NLE1: variants seen among roughly 807,000 people sequenced by gnomAD.
NLE1 encodes the protein notchless homolog 1.
NLE1 carries 37 observed loss-of-function variants against 62.8 expected under a neutral mutation model. The ratio of observed to expected loss-of-function variants is 0.59; its 90% CI spans 0.45 to 0.78. NLE1 has a LOEUF of 0.78. NLE1 is among the 30% of genes least tolerant of loss of function. The pLI is 0.00. For synonymous variants in NLE1, 243 were observed against 253.0 expected, an observed-to-expected ratio of 0.96 and a Z score of 0.37; for missense variants, 555 against 637.9, an observed-to-expected ratio of 0.87 and a Z score of 1.40.
At chr17:35,132,512 A>C in intron 12 of NLE1, 63 bp from the exon 13 acceptor site, 1 of 1,282,856 alleles carries the variant, frequency 7.8e-7, no homozygotes, top group Non-Finnish European at 1.0e-6. Flanking sequence ...GCCGTCATAT[A>C]ATCCCAGTGT....
intron 2 of NLE1, among the ~76,000 whole-genome samples, chr17:35,141,618 G>A (rs1263946640): frequency 6.6e-6 from 1 of 151,886 alleles, no homozygotes; most frequent in East Asian, 1.9e-4. Context: ...ATAGTTTTGG[G>A]TTCCAATTCC....
At chr17:35,133,647 C>A (rs1298976337) in intron 10 of NLE1, 149 bp from the exon 11 acceptor site, 3 of 712,674 alleles carry the variant, frequency 4.2e-6, no homozygotes, top group Non-Finnish European at 6.8e-6. Flanking sequence ...ACTGCCTGGT[C>A]CCCATCCCAG....
rs993581532 is a variant in NLE1, at chr17:35,141,967, C to T, written c.162+12G>A. 3.2e-6 allele frequency: 5 copies of T among 1,564,590 alleles called. 1 individual carries two copies. Among genetic ancestry groups the T allele is most frequent in the Non-Finnish European group, 2.6e-6 (3 of 1,155,062 alleles). On this transcript the variant is annotated intron_variant, in intron 2 of 12. Coordinates refer to ENST00000442241, the MANE Select transcript of NLE1 (RefSeq NM_018096.5). ...GGGTGGAGATGCGAGGCCGCCCTGG[C>T]CAGCCACTTACCTGGGCCAGTAGCG...
At chr17:35,138,543 G>A (rs751489170) in intron 4 of NLE1, among the ~76,000 whole-genome samples, 1 of 151,954 alleles carries the variant, frequency 6.6e-6, no homozygotes. Flanking sequence ...TCCTAGATTC[G>A]AGCAATTCTT....
Position 35,132,429 on chromosome 17 carries a change from G to A in NLE1, c.*8C>T, listed in dbSNP as rs373563790. The A allele has an allele frequency of 5.6e-6, 8 of 1,435,832 alleles. No individual in the cohort carries two copies. The East Asian group carries it at 8.2e-5, about 15-fold the overall frequency. 88.9% of individuals were successfully genotyped at this position (1,435,832 alleles called of 1,614,324 possible). A position where few individuals can be genotyped will look rare whatever the true frequency, so the allele number is the denominator to read the frequency against. The stretch of plus-strand genomic sequence containing the variant: ...CGAGGTGGGGGTCAGAGAGAACTTC[G>A]GGCCGTCTCATCTCCTCCATCTGTG... On this transcript the variant is annotated 3_prime_UTR_variant, in exon 13 of 13. Coordinates refer to ENST00000442241, the MANE Select transcript of NLE1 (RefSeq NM_018096.5).
intron 10 of NLE1, among the ~76,000 whole-genome samples, chr17:35,133,826 G>A (rs1417061069): frequency 6.6e-6 from 1 of 152,122 alleles, no homozygotes; most frequent in Non-Finnish European, 1.5e-5. Context: ...AACAGCAAGT[G>A]CCTGCTGACA....
chr17:35,130,737 A>G lies in NLE1; in HGVS notation c.*1700T>C, dbSNP rs536353260. ...AGAACTGCAGGTCATCCAGCACCCT[A>G]AAGTCTGCTTTATGCTGCAGACAGC... On this transcript the variant is annotated 3_prime_UTR_variant, in exon 13 of 13. Transcript: ENST00000442241. 102 of 332,912 alleles carry G rather than the reference A, an allele frequency of 3.1e-4. No individual in the cohort carries two copies. Among genetic ancestry groups the G allele is most frequent in the African/African-American group, 1.9e-3 (92 of 47,910 alleles). The allele number at this position is 332,912 out of a possible 1,614,324, so 20.6% of individuals were successfully genotyped here. A position where few individuals can be genotyped will look rare whatever the true frequency, so the allele number is the denominator to read the frequency against.
Position 35,130,376 on chromosome 17 carries a change from C to G in NLE1, c.*2061G>C. On this transcript the variant is annotated 3_prime_UTR_variant, in exon 13 of 13. Transcript: ENST00000442241. Reference sequence around the variant, plus strand: ...AAGGAACCCCGGCAAAAGATCGTGTCCATCGGGCCGGAGGAGATGCGGAGG... The same window carrying G: ...AAGGAACCCCGGCAAAAGATCGTGTGCATCGGGCCGGAGGAGATGCGGAGG... 8 of 1,614,136 alleles carry G rather than the reference C, an allele frequency of 5.0e-6. No homozygotes were observed. Among genetic ancestry groups the G allele is most frequent in the Non-Finnish European group, 1.7e-6 (2 of 1,180,006 alleles).
Position 35,137,877 on chromosome 17 carries a change from C to T in NLE1, c.474G>A (p.Trp158Ter). 6.2e-7 allele frequency: 1 copy of T among 1,612,796 alleles called. No individual in the cohort carries two copies. Among genetic ancestry groups the T allele is most frequent in the Non-Finnish European group, 8.5e-7 (1 of 1,179,084 alleles). Residue 158 changes from tryptophan to a stop codon, truncating the protein, a stop_gained, in exon 5 of 13, where the codon TGG (tryptophan) becomes TGA (stop). Coordinates refer to ENST00000442241, the MANE Select transcript of NLE1 (RefSeq NM_018096.5). LOFTEE classifies it high-confidence loss of function. The part of the protein sequence containing the change: ...PHFTCKGHRH[W>*]VLSISWSPDG... ...CTGGAGACCAGGATATACTAAGGAC[C>T]CAGTGTCTGTGTCCTAAGAAAGCAG...
chr17:35,137,415 C>T, intron 6 of NLE1, 128 bp downstream of exon 6: 1 of 873,112 alleles, frequency 1.1e-6, no homozygotes, highest in Non-Finnish European at 1.8e-6. Context: ...CCCATGCCTG[C>T]CAAGCCATCA....
chr17:35,136,138 C>T, intron 9 of NLE1, 31 bp downstream of exon 9: 1 of 1,612,862 alleles, frequency 6.2e-7, no homozygotes, highest in South Asian at 1.1e-5. Flanking sequence ...TGGTACAGAG[C>T]TAGGGGTGCA....
At chr17:35,139,207 C>A (rs1440406760) in intron 4 of NLE1, 28 bp downstream of exon 4, 3 of 1,596,664 alleles carry the variant, frequency 1.9e-6, no homozygotes, top group Non-Finnish European at 2.6e-6. Context: ...AAAAAGAAGA[C>A]CCCCTAAATG....
chr17:35,138,542 C>T (rs1466119813), intron 4 of NLE1, among the ~76,000 whole-genome samples: 12 of 152,292 alleles, frequency 7.9e-5, no homozygotes, highest in African/African-American at 2.4e-4. Flanking sequence ...CTCCTAGATT[C>T]GAGCAATTCT....
rs755644419 is a variant in NLE1, at chr17:35,137,119, C to G, written c.710G>C (p.Arg237Pro). The G allele has an allele frequency of 6.2e-7, 1 of 1,613,926 alleles. No homozygotes were observed. Among genetic ancestry groups the G allele is most frequent in the Non-Finnish European group, 8.5e-7 (1 of 1,179,954 alleles). Residue 237 changes from arginine (R) to proline (P), a missense_variant, in exon 7 of 13, where the codon CGC (arginine) becomes CCC (proline). Coordinates refer to ENST00000442241, the MANE Select transcript of NLE1 (RefSeq NM_018096.5). ...GTGCCCGGTGAGGATGCGCTCACAG[C>G]GGCCTGCAGTTGTGTCCCAGATCCG... ...SVRIWDTTAG[R>P]CERILTGHTQ...
In NLE1 at chr17:35,132,330, T is replaced by TGGGGA. The variant is rs2091880796; in HGVS notation, c.*106_*107insTCCCC. On this transcript the variant is annotated 3_prime_UTR_variant, in exon 13 of 13. Coordinates refer to ENST00000442241, the MANE Select transcript of NLE1 (RefSeq NM_018096.5). ...GCCACACGCATTCTCAGGTCCCCACTGGTGGGGAGGGTGTGTGCACTGCCA... is the reference window on the plus strand; with the variant it reads ...GCCACACGCATTCTCAGGTCCCCACTGGGGAGGTGGGGAGGGTGTGTGCACTGCCA... 2 of 962,466 alleles carry TGGGGA rather than the reference T, an allele frequency of 2.1e-6. No individual in the cohort carries two copies. Among genetic ancestry groups the TGGGGA allele is most frequent in the African/African-American group, 3.4e-5 (2 of 58,714 alleles). 59.6% of individuals were successfully genotyped at this position (962,466 alleles called of 1,614,324 possible).
chr17:35,135,890 C>A (rs897305290), intron 9 of NLE1, among the ~76,000 whole-genome samples: 1 of 151,940 alleles, frequency 6.6e-6, no homozygotes, highest in Non-Finnish European at 1.5e-5. Flanking sequence ...ATTTTTTGAA[C>A]GTGAATGTGT....
intron 12 of NLE1, 76 bp downstream of exon 12, chr17:35,133,095 T>C (rs1476449454): frequency 7.2e-7 from 1 of 1,383,874 alleles, no homozygotes; most frequent in Non-Finnish European, 1.0e-6. Context: ...TTCTATGCTG[T>C]AAGGGAAAGT....
chr17:35,140,284 A>T (rs985691651), intron 2 of NLE1, among the ~76,000 whole-genome samples: 1 of 152,248 alleles, frequency 6.6e-6, no homozygotes, highest in East Asian at 1.9e-4. Flanking sequence ...GCTGGAGTGC[A>T]GTGGAGCAAT....
chr17:35,133,111 C>G (rs1187737915), intron 12 of NLE1, 60 bp downstream of exon 12: 1 of 1,495,200 alleles, frequency 6.7e-7, no homozygotes, highest in East Asian at 2.3e-5. Flanking sequence ...AAAGTGTGCA[C>G]AGAAGGACCT....
Sources: allele counts gnomAD v4.1 joint callset (sites outside exome capture counted in the v4.1 genomes callset), GRCh38; gene constraint gnomAD v4.1.1; transcripts MANE v1.5; gene names NCBI Gene and HGNC (gene_info 2026-07-23, HGNC 2026-07-21).